Variants in IQGAP2 observed in about 807,000 individuals in gnomAD.
IQGAP2 encodes ras GTPase-activating-like protein IQGAP2.
A neutral mutation model predicts 201.3 loss-of-function variants in IQGAP2; 173 were observed. That is an observed-to-expected ratio of 0.86 (90% CI 0.76 to 0.98). IQGAP2 has a LOEUF of 0.98. Among genes scored for constraint, IQGAP2 ranks in the 50% least tolerant of loss-of-function variants. The pLI, the probability that IQGAP2 is intolerant of heterozygous loss-of-function variation, is 0.00. For missense variants in IQGAP2, 1,687 were observed against 1,864.8 expected (o/e 0.90, Z 1.76); for synonymous variants, 675 against 673.9 (o/e 1.00, Z -0.03).
At chr5:76,648,153 G>C (rs1432321576) in intron 17 of IQGAP2, among the ~76,000 whole-genome samples, 3 of 152,154 alleles carry the variant, frequency 2.0e-5, no homozygotes, top group East Asian at 1.9e-4. Context: ...GTGATATCAA[G>C]AGAGGTCCAG....
intron 2 of IQGAP2, among the ~76,000 whole-genome samples, chr5:76,513,184 A>G (rs537297644): frequency 1.3e-5 from 2 of 152,372 alleles, no homozygotes; most frequent in Admixed American, 6.5e-5. Flanking sequence ...GTTACCATTT[A>G]TTGTGTACTC....
chr5:76,647,823 C>CCACACACA (rs374577768), intron 17 of IQGAP2, among the ~76,000 whole-genome samples: 2,397 of 62,628 alleles, frequency 0.038, 66 homozygotes, highest in African/African-American at 0.099. Context: ...TAGCCAAACA[C>CCACACACA]CACACACACA....
chr5:76,638,540 T>TTA lies in IQGAP2; in HGVS notation c.1923+1373_1923+1374dup, dbSNP rs202005562. Among the ~76,000 whole-genome samples, 397 of 152,092 alleles carry TTA rather than the reference T, an allele frequency of 2.6e-3. 1 individual carries two copies. Among genetic ancestry groups the TTA allele is most frequent in the African/African-American group, 9.2e-3 (380 of 41,432 alleles). On this transcript the variant is annotated intron_variant, in intron 16 of 35. Transcript: ENST00000274364. ...TTCCCTCCCAAATATTCAGCAATTTTTATATATATAGGAGCCCAGGGCTGA... is the reference window on the plus strand; with the variant it reads ...TTCCCTCCCAAATATTCAGCAATTTTTATATATATATAGGAGCCCAGGGCTGA...
intron 19 of IQGAP2, 78 bp from the exon 20 acceptor site, chr5:76,654,856 T>G (rs942679621): frequency 2.4e-5 from 21 of 880,408 alleles, no homozygotes; most frequent in Non-Finnish European, 3.6e-5. Context: ...ATACTGACAG[T>G]TCTTAAATGT....
At chr5:76,465,921 T>C (rs924418004) in intron 2 of IQGAP2, among the ~76,000 whole-genome samples, 4 of 152,206 alleles carry the variant, frequency 2.6e-5, no homozygotes, top group Non-Finnish European at 5.9e-5. Context: ...TGTTCATGGA[T>C]TGGAAAATAG....
chr5:76,690,860 G>T (rs191426038), intron 30 of IQGAP2, among the ~76,000 whole-genome samples: 1 of 152,302 alleles, frequency 6.6e-6, no homozygotes, highest in East Asian at 1.9e-4. Flanking sequence ...TGCCACCTGT[G>T]GCCAGTGGCG....
intron 30 of IQGAP2, among the ~76,000 whole-genome samples, chr5:76,688,506 C>T (rs967359768): frequency 3.9e-5 from 6 of 152,160 alleles, no homozygotes; most frequent in African/African-American, 1.2e-4. Context: ...TTACCATGGC[C>T]AGGGACAGTT....
chr5:76,670,479 A>G (rs1744210914), intron 23 of IQGAP2, among the ~76,000 whole-genome samples: 1 of 152,296 alleles, frequency 6.6e-6, no homozygotes, highest in Middle Eastern at 3.4e-3. Flanking sequence ...GCGCCACTGC[A>G]CTCCAGCCTG....
intron 2 of IQGAP2, among the ~76,000 whole-genome samples, chr5:76,555,250 C>T (rs756047014): frequency 2.0e-5 from 3 of 152,142 alleles, no homozygotes; most frequent in Non-Finnish European, 4.4e-5. Context: ...GAATATACTA[C>T]AAACCATTGC....
intron 13 of IQGAP2, among the ~76,000 whole-genome samples, chr5:76,612,359 G>A (rs1380922162): frequency 6.6e-6 from 1 of 151,986 alleles, no homozygotes; most frequent in East Asian, 1.9e-4. Context: ...AGCCAGGTGT[G>A]GTGGCTCACA....
At chr5:76,702,658 C>A in intron 35 of IQGAP2, 68 bp downstream of exon 35, 1 of 695,830 alleles carries the variant, frequency 1.4e-6, no homozygotes, top group Non-Finnish European at 2.6e-6. Flanking sequence ...GCTACCCTGG[C>A]TCTCTCTCTT....
chr5:76,461,853 C>T (rs996521572), intron 2 of IQGAP2, among the ~76,000 whole-genome samples, 184 bp downstream of exon 2: 1 of 152,182 alleles, frequency 6.6e-6, no homozygotes, highest in Admixed American at 6.5e-5. Flanking sequence ...GCCAAACCTC[C>T]CATGCCAGGA....
chr5:76,508,492 G>T (rs190500911), intron 2 of IQGAP2, among the ~76,000 whole-genome samples: 2 of 152,208 alleles, frequency 1.3e-5, no homozygotes, highest in East Asian at 3.9e-4. Flanking sequence ...ATGATGGGCT[G>T]GTACAGAGGG....
At chr5:76,644,148 C>A (rs1019728553) in intron 17 of IQGAP2, among the ~76,000 whole-genome samples, 1 of 151,894 alleles carries the variant, frequency 6.6e-6, no homozygotes, top group Non-Finnish European at 1.5e-5. Context: ...GAGGTCTAAG[C>A]GTTTTGACAG....
chr5:76,407,323 T>C (rs1381605600), intron 1 of IQGAP2, among the ~76,000 whole-genome samples: 2 of 152,180 alleles, frequency 1.3e-5, no homozygotes, highest in Non-Finnish European at 2.9e-5. Context: ...GTGAAGTTAC[T>C]AAGTTAGTTA....
intron 35 of IQGAP2, among the ~76,000 whole-genome samples, chr5:76,703,560 G>T (rs916042212): frequency 4.0e-5 from 6 of 151,352 alleles, no homozygotes; most frequent in Admixed American, 1.3e-4. Flanking sequence ...ATAGAAAAAT[G>T]GTGTTTGCAA....
intron 13 of IQGAP2, among the ~76,000 whole-genome samples, chr5:76,614,016 G>C (rs1315799255): frequency 6.6e-6 from 1 of 152,162 alleles, no homozygotes; most frequent in Admixed American, 6.5e-5. Flanking sequence ...TAGACGTAGA[G>C]TCTGCTGAAT....
chr5:76,430,799 G>T (rs1463822646), intron 1 of IQGAP2, among the ~76,000 whole-genome samples: 1 of 152,156 alleles, frequency 6.6e-6, no homozygotes, highest in Non-Finnish European at 1.5e-5. Context: ...AATTGTAAAT[G>T]GGGGAAAAAG....
At chr5:76,522,421 G>A (rs1217830027) in intron 2 of IQGAP2, among the ~76,000 whole-genome samples, 1 of 152,066 alleles carries the variant, frequency 6.6e-6, no homozygotes, top group Non-Finnish European at 1.5e-5. Flanking sequence ...GACCTCAAGT[G>A]ATCCACCCAC....
Sources: allele counts gnomAD v4.1 joint callset (sites outside exome capture counted in the v4.1 genomes callset), GRCh38; gene constraint gnomAD v4.1.1; transcripts MANE v1.5; gene names NCBI Gene and HGNC (gene_info 2026-07-23, HGNC 2026-07-21).